Variants in EGFL6 observed in about 807,000 individuals in gnomAD.
EGFL6 encodes the protein EGF like domain multiple 6, also known as epidermal growth factor-like protein 6.
EGFL6 carries 42 observed loss-of-function variants against 43.1 expected under a neutral mutation model. The observed-to-expected ratio is 0.98, with a 90% CI of 0.76 to 1.26. The LOEUF is 1.26. Among genes scored for constraint, EGFL6 ranks in the 50% most tolerant of loss-of-function variants. The probability of loss-of-function intolerance (pLI) is 0.00; values close to 1 mark genes in which losing one functional copy is unlikely to be tolerated. For synonymous variants in EGFL6, 164 were observed against 163.2 expected (o/e 1.01, Z -0.04); for missense variants, 429 against 427.8 (o/e 1.00, Z -0.02).
At chrX:13,605,895 G>A (rs2045657627) in intron 5 of EGFL6, among the ~76,000 whole-genome samples, 1 of 112,503 alleles carries the variant, frequency 8.9e-6, no homozygotes, top group South Asian at 3.6e-4. Flanking sequence ...AGGGGCCTTG[G>A]ACAGTCTTAC....
At chrX:13,617,229 G>GA (rs1168351349) in intron 7 of EGFL6, among the ~76,000 whole-genome samples, 1 of 112,106 alleles carries the variant, frequency 8.9e-6, no homozygotes, top group African/African-American at 3.2e-5. Flanking sequence ...AAGAGAGAAA[G>GA]AAAATTGGGT....
At position 13,629,571 on chromosome X, in the gene EGFL6, G is replaced by A. The variant is rs191484743; in HGVS notation, c.1551+2295G>A. ...GTTCTAGGGGAAATCTTGATGGGGG[G>A]ATATTGAAGGGTAAGGAAGCTGACT... On this transcript the variant is annotated intron_variant, in intron 11 of 11. Transcript: ENST00000361306. 2.1e-4 allele frequency among the ~76,000 whole-genome samples: 23 copies of A among 111,495 alleles called. 1 individual carries two copies. The East Asian group carries it at 6.4e-3, about 31-fold the overall frequency.
chrX:13,608,570 A>G (rs1005921750), intron 7 of EGFL6, 124 bp downstream of exon 7: 10 of 863,686 alleles, frequency 1.2e-5, no homozygotes, highest in African/African-American at 2.1e-5. Flanking sequence ...CCTTACTCTC[A>G]CTCTGTGTGT....
At chrX:13,596,689 CT>C (rs2045599400) in intron 3 of EGFL6, 1 of 111,524 alleles carries the variant, frequency 9.0e-6, no homozygotes, top group Non-Finnish European at 1.9e-5. Context: ...CCACACCCAG[CT>C]GGAATCTTGT....
intron 11 of EGFL6, among the ~76,000 whole-genome samples, chrX:13,629,232 G>T (rs2045798224): frequency 8.9e-6 from 1 of 112,040 alleles, no homozygotes; most frequent in Non-Finnish European, 1.9e-5. Context: ...TGTTGTGTTT[G>T]CAGCATGGTT....
At chrX:13,627,311 G>A (rs1278926679) in intron 11 of EGFL6, 35 bp downstream of exon 11, 7 of 1,183,221 alleles carry the variant, frequency 5.9e-6, no homozygotes, top group Middle Eastern at 2.4e-4. Flanking sequence ...CTCAATATTT[G>A]CATTCTTTTG....
In EGFL6 at chrX:13,569,885, G is replaced by A; in HGVS notation, c.24G>A (p.Ala8=). The A allele has an allele frequency of 8.3e-7, 1 of 1,212,061 alleles. No homozygotes were observed. Among genetic ancestry groups the A allele is most frequent in the Non-Finnish European group, 1.1e-6 (1 of 895,411 alleles). Residue 8 remains alanine (A), a synonymous_variant, in exon 1 of 12, where the codon GCG becomes GCA. Coordinates refer to ENST00000361306, the MANE Select transcript of EGFL6 (RefSeq NM_015507.4). MPLPWSL[A]LPLLLSWVAG... ...GAATGCCTCTGCCCTGGAGCCTTGC[G>A]CTCCCGCTGCTGCTCTCCTGGGTGG... is the stretch of plus-strand genomic sequence containing the variant.
chrX:13,624,285 T>C (rs1240510126), intron 10 of EGFL6, among the ~76,000 whole-genome samples: 1 of 111,904 alleles, frequency 8.9e-6, no homozygotes, highest in African/African-American at 3.3e-5. Context: ...TGGCATCTTG[T>C]AGTTTTTGTT....
intron 9 of EGFL6, among the ~76,000 whole-genome samples, chrX:13,621,953 C>T (rs1314502489): frequency 8.9e-6 from 1 of 112,204 alleles, no homozygotes; most frequent in Non-Finnish European, 1.9e-5. Flanking sequence ...ATTCCATCAT[C>T]CCAATTTACA....
chrX:13,626,720 A>G (rs1257478496), intron 10 of EGFL6, among the ~76,000 whole-genome samples: 1 of 112,369 alleles, frequency 8.9e-6, no homozygotes, highest in Non-Finnish European at 1.9e-5. Context: ...CTGCAGTGCT[A>G]AAGGATCATT....
At chrX:13,628,755 C>T (rs1602662051) in intron 11 of EGFL6, among the ~76,000 whole-genome samples, 2 of 111,458 alleles carry the variant, frequency 1.8e-5, no homozygotes, top group South Asian at 7.5e-4. Context: ...TGCAGTGAGC[C>T]GAGATCGTGC....
chrX:13,589,550 C>A lies in EGFL6; in HGVS notation c.75-6C>A, dbSNP rs761527196. 5 of 1,199,984 alleles carry A rather than the reference C, an allele frequency of 4.2e-6. No homozygotes were observed. Among genetic ancestry groups the A allele is most frequent in the Middle Eastern group, 2.3e-4 (1 of 4,292 alleles). On this transcript the variant is annotated splice_polypyrimidine_tract_variant and splice_region_variant and intron_variant, in intron 1 of 11. Coordinates refer to ENST00000361306, the MANE Select transcript of EGFL6 (RefSeq NM_015507.4). ...TCAATACTAACATGTAGTTCTTTAT[C>A]TGCAGTGCAAGGCATCACGGGTTGT... is the stretch of plus-strand genomic sequence containing the variant.
rs1334736224 is a variant in EGFL6, at chrX:13,627,036, G to A, written c.1311G>A (p.Pro437=). 2.5e-6 allele frequency: 3 copies of A among 1,211,178 alleles called. No individual in the cohort carries two copies. The highest frequency in any genetic ancestry group is 1.8e-5 in the South Asian group (1 of 56,939). ...CTATTGGCTTCTATATGGCAGTTCC[G>A]GCCTTGGCAGGTCACAAGAAAGACA... The part of the protein sequence containing the change: ...DNAIGFYMAV[P]ALAGHKKDIG... The change falls in exon 11 of 12, where the codon CCG becomes CCA. Residue 437 remains proline, a synonymous_variant. Transcript: ENST00000361306.
intron 3 of EGFL6, among the ~76,000 whole-genome samples, chrX:13,597,336 G>A (rs1277685280): frequency 8.9e-6 from 1 of 111,776 alleles, no homozygotes; most frequent in Admixed American, 9.5e-5. Context: ...CCAGAGGTTA[G>A]CCCCATAAAC....
Position 13,600,110 on chromosome X carries a change from C to T in EGFL6, c.400+16C>T, listed in dbSNP as rs775777006. The T allele has an allele frequency of 8.3e-7, 1 of 1,207,359 alleles. No individual in the cohort carries two copies. Among genetic ancestry groups the T allele is most frequent in the South Asian group, 1.8e-5 (1 of 56,275 alleles). Reference sequence around the variant, plus strand: ...ACGTGTGTGAGTAAGTTTCAACAGCCAGGCTGATCTCAGTCAATGTTTAAG... The same window carrying T: ...ACGTGTGTGAGTAAGTTTCAACAGCTAGGCTGATCTCAGTCAATGTTTAAG... On this transcript the variant is annotated intron_variant, in intron 4 of 11. Coordinates refer to ENST00000361306, the MANE Select transcript of EGFL6 (RefSeq NM_015507.4).
At chrX:13,571,125 A>ACCC (rs2045440676) in intron 1 of EGFL6, among the ~76,000 whole-genome samples, 1 of 17,039 alleles carries the variant, frequency 5.9e-5, no homozygotes, top group Admixed American at 6.1e-4. Flanking sequence ...CACCACCACC[A>ACCC]CCACCAAGTT....
chrX:13,622,398 C>A (rs763214606), intron 9 of EGFL6, among the ~76,000 whole-genome samples: 31 of 111,599 alleles, frequency 2.8e-4, no homozygotes, highest in Non-Finnish European at 5.5e-4. Context: ...ACAACCTAAT[C>A]AAATGATATA....
intron 11 of EGFL6, among the ~76,000 whole-genome samples, chrX:13,628,698 T>A (rs1190337411): frequency 9.0e-6 from 1 of 111,261 alleles, no homozygotes; most frequent in Non-Finnish European, 1.9e-5. Context: ...TCCCAGCTAC[T>A]CAGAAGGCCG....
intron 3 of EGFL6, among the ~76,000 whole-genome samples, chrX:13,598,788 A>G (rs1360037575): frequency 1.9e-5 from 2 of 104,934 alleles, no homozygotes; most frequent in Non-Finnish European, 3.9e-5. Context: ...TCATATGTAT[A>G]TATTTCATAT....
Sources: allele counts gnomAD v4.1 joint callset (sites outside exome capture counted in the v4.1 genomes callset), GRCh38; gene constraint gnomAD v4.1.1; transcripts MANE v1.5; gene names NCBI Gene and HGNC (gene_info 2026-07-23, HGNC 2026-07-21).